Variants in DYRK1A observed in about 807,000 individuals in gnomAD.
The protein encoded by DYRK1A is dual specificity tyrosine phosphorylation regulated kinase 1A.
In DYRK1A, 9 loss-of-function variants were observed where a neutral mutation model predicts 79.7. The ratio of observed to expected loss-of-function variants is 0.11; its 90% CI spans 0.07 to 0.20. The LOEUF (loss-of-function observed/expected upper bound fraction) is 0.20, where lower values mean the gene tolerates loss of function less well. Ranked by LOEUF, DYRK1A falls within the 10% of genes least tolerant of loss-of-function variation. The pLI, the probability that DYRK1A is intolerant of heterozygous loss-of-function variation, is 1.00. For missense variants in DYRK1A, 622 were observed against 956.0 expected, an observed-to-expected ratio of 0.65 and a Z score of 4.61; for synonymous variants, 349 against 329.7, an observed-to-expected ratio of 1.06 and a Z score of -0.63.
intron 11 of DYRK1A, among the ~76,000 whole-genome samples, chr21:37,508,463 T>G (rs2053658892): frequency 6.6e-6 from 1 of 152,188 alleles, no homozygotes; most frequent in Admixed American, 6.5e-5. Flanking sequence ...ATTTTTGTAT[T>G]TGTAGTAGAG....
rs2050440442 is a variant in DYRK1A at position 37,420,286 on chromosome 21, T to A, written c.-76-13T>A. On this transcript the variant is annotated splice_polypyrimidine_tract_variant and intron_variant, in intron 1 of 11. Coordinates refer to ENST00000647188, the MANE Select transcript of DYRK1A (RefSeq NM_001347721.2). Reference sequence around the variant, plus strand: ...TCATTATCTCTTATCATAATCTGTTTTTCTTCACACAGTGTTATAGTTTTG... The same window carrying A: ...TCATTATCTCTTATCATAATCTGTTATTCTTCACACAGTGTTATAGTTTTG... The A allele has an allele frequency of 8.8e-7, 1 of 1,135,678 alleles. No homozygotes were observed. The highest frequency in any genetic ancestry group is 2.0e-5 in the Admixed American group (1 of 49,144). 70.4% of individuals were successfully genotyped at this position (1,135,678 alleles called of 1,614,324 possible).
At chr21:37,471,344 T>G (rs1186819387) in intron 2 of DYRK1A, among the ~76,000 whole-genome samples, 1 of 152,192 alleles carries the variant, frequency 6.6e-6, no homozygotes, top group East Asian at 1.9e-4. Context: ...TGTCATTCCC[T>G]GTGGTGGAAA....
intron 1 of DYRK1A, 149 bp downstream of exon 1, chr21:37,367,777 G>C (rs533995711): frequency 2.0e-5 from 3 of 151,468 alleles, no homozygotes; most frequent in South Asian, 2.1e-4. Context: ...CCGGCCGCCG[G>C]GGGAGGGAGC....
intron 2 of DYRK1A, among the ~76,000 whole-genome samples, chr21:37,448,354 A>AG (rs1280441800): frequency 6.6e-6 from 1 of 152,090 alleles, no homozygotes; most frequent in East Asian, 1.9e-4. Context: ...GTTCTGGTGG[A>AG]GGGTCCCATA....
intron 4 of DYRK1A, among the ~76,000 whole-genome samples, chr21:37,479,871 C>T (rs1569362746): frequency 6.6e-6 from 1 of 151,888 alleles, no homozygotes; most frequent in Non-Finnish European, 1.5e-5. Context: ...TCGTGATCCA[C>T]CCTCCTCGGC....
intron 1 of DYRK1A, among the ~76,000 whole-genome samples, chr21:37,372,010 C>T (rs1024018359): frequency 3.3e-5 from 5 of 152,088 alleles, no homozygotes; most frequent in East Asian, 1.9e-4. Flanking sequence ...AGAGCCATTT[C>T]GACATCTTGG....
chr21:37,440,416 C>T (rs978915653), intron 2 of DYRK1A, among the ~76,000 whole-genome samples: 2 of 151,930 alleles, frequency 1.3e-5, no homozygotes, highest in African/African-American at 4.8e-5. Context: ...GGATTACAGG[C>T]GTGAGCCACT....
rs1170630355 is a variant in DYRK1A, at chr21:37,507,190, T to C, written c.1644+967T>C. On this transcript the variant is annotated intron_variant, in intron 11 of 11. Transcript: ENST00000647188. ...TCCTGCCTATGTGTGCACTGTCCAC[T>C]TCTCCTCTACCCCTTTTTTGTTAGA... Among the ~76,000 whole-genome samples, 3 of 152,234 alleles carry C rather than the reference T, an allele frequency of 2.0e-5. No individual in the cohort carries two copies. In the East Asian group the frequency reaches 5.8e-4, roughly 29 times the overall value.
chr21:37,463,223 T>C (rs2051908904), intron 2 of DYRK1A, among the ~76,000 whole-genome samples: 1 of 151,782 alleles, frequency 6.6e-6, no homozygotes, highest in Non-Finnish European at 1.5e-5. Flanking sequence ...TGTGTGTGTG[T>C]GTGTGTGTGT....
intron 2 of DYRK1A, among the ~76,000 whole-genome samples, chr21:37,455,642 G>C (rs879527704): frequency 6.6e-6 from 1 of 152,068 alleles, no homozygotes; most frequent in African/African-American, 2.4e-5. Context: ...TTCTTTTGCT[G>C]ACAATTCCCT....
chr21:37,454,085 C>CTTTTTTTTTTTTTTTTTTTTTTTTTTTTT (rs571859735), intron 2 of DYRK1A, among the ~76,000 whole-genome samples: 2 of 59,626 alleles, frequency 3.4e-5, no homozygotes, highest in African/African-American at 6.7e-5. Flanking sequence ...ATGTAGTCTC[C>CTTTTTTTTTTTTTTTTTTTTTTTTTTTTT]TTTTTTTTTT....
intron 2 of DYRK1A, among the ~76,000 whole-genome samples, chr21:37,471,951 A>G (rs1341929890): frequency 6.6e-6 from 1 of 152,204 alleles, no homozygotes; most frequent in Non-Finnish European, 1.5e-5. Flanking sequence ...ACCTTTTATT[A>G]GATACCATTA....
At chr21:37,432,123 G>A (rs915941083) in intron 2 of DYRK1A, among the ~76,000 whole-genome samples, 3 of 151,972 alleles carry the variant, frequency 2.0e-5, no homozygotes, top group Non-Finnish European at 4.4e-5. Flanking sequence ...GGGAGCAAAA[G>A]TATATTTAGT....
intron 1 of DYRK1A, among the ~76,000 whole-genome samples, chr21:37,402,495 G>C (rs1033791565): frequency 6.6e-6 from 1 of 152,044 alleles, no homozygotes; most frequent in Non-Finnish European, 1.5e-5. Flanking sequence ...TTATTCCCTC[G>C]ATATACCAGT....
At chr21:37,462,557 T>C (rs2051877005) in intron 2 of DYRK1A, among the ~76,000 whole-genome samples, 1 of 152,240 alleles carries the variant, frequency 6.6e-6, no homozygotes, top group African/African-American at 2.4e-5. Context: ...GTTCTGTGCC[T>C]GGCTTCATGG....
intron 9 of DYRK1A, chr21:37,504,098 C>T (rs905596490): frequency 6.6e-6 from 1 of 152,232 alleles, no homozygotes; most frequent in Admixed American, 6.5e-5. Context: ...GCTTAGCTGA[C>T]TCTGGGCTTT....
rs2148663641 is a variant in DYRK1A, at chr21:37,512,630, AAC to A, written c.*104_*105del. ...AAGCTGCTTGAATCAGGAGGAGATT[AAC>A]ACACTGAACCGCTACAAGAGGGCAA... is the stretch of plus-strand genomic sequence containing the variant. On this transcript the variant is annotated 3_prime_UTR_variant, in exon 12 of 12. Transcript: ENST00000647188. 2.2e-6 allele frequency: 3 copies of A among 1,387,104 alleles called. No individual in the cohort carries two copies. The highest frequency in any genetic ancestry group is 1.4e-5 in the African/African-American group (1 of 69,480). 85.9% of individuals were successfully genotyped at this position (1,387,104 alleles called of 1,614,324 possible). A position where few individuals can be genotyped will look rare whatever the true frequency, so the allele number is the denominator to read the frequency against.
intron 9 of DYRK1A, 76 bp downstream of exon 9, chr21:37,496,334 C>G: frequency 1.4e-6 from 2 of 1,433,376 alleles, no homozygotes; most frequent in South Asian, 2.7e-5. Flanking sequence ...GCTCATTTTG[C>G]ATTTACTTGA....
intron 2 of DYRK1A, among the ~76,000 whole-genome samples, chr21:37,467,093 G>C (rs1258134485): frequency 7.8e-6 from 1 of 128,620 alleles, no homozygotes; most frequent in African/African-American, 3.0e-5. Flanking sequence ...TGAAGTCTTT[G>C]GGATTTACAA....
Sources: allele counts gnomAD v4.1 joint callset (sites outside exome capture counted in the v4.1 genomes callset), GRCh38; gene constraint gnomAD v4.1.1; transcripts MANE v1.5; gene names NCBI Gene and HGNC (gene_info 2026-07-23, HGNC 2026-07-21).